RPA1: variants seen among roughly 807,000 people sequenced by gnomAD.
The protein encoded by RPA1 is replication protein A 70 kDa DNA-binding subunit.
In RPA1, 49 loss-of-function variants were observed where a neutral mutation model predicts 83.0. The ratio of observed to expected loss-of-function variants is 0.59; its 90% CI spans 0.47 to 0.75. RPA1 has a LOEUF of 0.75. Among genes scored for constraint, RPA1 ranks in the 30% least tolerant of loss-of-function variants. The probability of loss-of-function intolerance (pLI) is 0.00; values close to 1 mark genes in which losing one functional copy is unlikely to be tolerated. For synonymous variants in RPA1, 279 were observed against 281.8 expected (o/e 0.99, Z 0.10); for missense variants, 693 against 776.1 (o/e 0.89, Z 1.27).
At chr17:1,848,690 G>A (rs1335122613) in intron 4 of RPA1, among the ~76,000 whole-genome samples, 1 of 151,690 alleles carries the variant, frequency 6.6e-6, no homozygotes, top group African/African-American at 2.4e-5. Context: ...CAGCCTCCTG[G>A]GTAGCTGGGA....
intron 1 of RPA1, among the ~76,000 whole-genome samples, chr17:1,841,991 T>TA (rs1234429562): frequency 6.6e-6 from 1 of 152,146 alleles, no homozygotes; most frequent in Non-Finnish European, 1.5e-5. Context: ...ATCCATTTTA[T>TA]ATAGTGCTGG....
intron 16 of RPA1, among the ~76,000 whole-genome samples, chr17:1,896,505 G>C (rs1011026112): frequency 1.4e-5 from 2 of 144,148 alleles, no homozygotes; most frequent in African/African-American, 2.5e-5. Context: ...AGATGTCACC[G>C]TGAAACAATG....
Position 1,843,943 on chromosome 17 carries a change from G to A in RPA1, c.108G>A (p.Gly36=). The A allele has an allele frequency of 6.2e-7, 1 of 1,613,958 alleles. No homozygotes were observed. The highest frequency in any genetic ancestry group is 8.5e-7 in the Non-Finnish European group (1 of 1,179,950). ...QVINIRPITT[G]NSPPRYRLLM... Reference sequence around the variant, plus strand: ...AGAACATCCGTCCCATTACTACGGGGAATAGTCCGCCGCGTTATCGACTGC... The same window carrying A: ...AGAACATCCGTCCCATTACTACGGGAAATAGTCCGCCGCGTTATCGACTGC... The change falls in exon 3 of 17, where the codon GGG becomes GGA. Residue 36 remains glycine (G), a synonymous_variant. Coordinates refer to ENST00000254719, the MANE Select transcript of RPA1 (RefSeq NM_002945.5).
chr17:1,876,788 C>T (rs1433447854), intron 7 of RPA1, among the ~76,000 whole-genome samples: 2 of 152,170 alleles, frequency 1.3e-5, no homozygotes, highest in African/African-American at 2.4e-5. Context: ...CCACCAACAT[C>T]GTGTATTCTA....
At position 1,875,765 on chromosome 17, in the gene RPA1, A is replaced by G; in HGVS notation, c.559A>G (p.Ile187Val). The G allele has an allele frequency of 1.2e-6, 2 of 1,614,158 alleles. No individual in the cohort carries two copies. Among genetic ancestry groups the G allele is most frequent in the Non-Finnish European group, 1.7e-6 (2 of 1,180,014 alleles). ...GGGAACACAGTCCAAAGTGGTGCCCATTGCCAGCCTCACTCCTTACCAGTC... is the reference window on the plus strand; with the variant it reads ...GGGAACACAGTCCAAAGTGGTGCCCGTTGCCAGCCTCACTCCTTACCAGTC... ...SGGTQSKVVPIASLTPYQSKW... is the reference protein window; with the variant it reads ...SGGTQSKVVPVASLTPYQSKW... The change falls in exon 7 of 17, where the codon ATT becomes GTT. Residue 187 changes from isoleucine to valine, a missense_variant. Transcript: ENST00000254719.
rs187520057 is a variant in RPA1, at chr17:1,848,865, G to C, written c.272+4179G>C. ...AGGTGTGAGCCACCGCACCCAGCCT[G>C]TTCCTTTTTATGGCAGAATAATACT... On this transcript the variant is annotated intron_variant, in intron 4 of 16. Coordinates refer to ENST00000254719, the MANE Select transcript of RPA1 (RefSeq NM_002945.5). Among the ~76,000 whole-genome samples, 234 of 151,886 alleles carry C rather than the reference G, an allele frequency of 1.5e-3. 1 individual carries two copies. Among genetic ancestry groups the C allele is most frequent in the African/African-American group, 5.5e-3 (229 of 41,442 alleles).
chr17:1,849,612 C>A (rs548180338), intron 4 of RPA1, among the ~76,000 whole-genome samples: 2 of 150,104 alleles, frequency 1.3e-5, no homozygotes, highest in African/African-American at 4.9e-5. Context: ...TCATATTTGT[C>A]ATTTTGTTTT....
chr17:1,892,514 C>T (rs1241901122), intron 15 of RPA1, among the ~76,000 whole-genome samples: 1 of 152,196 alleles, frequency 6.6e-6, no homozygotes, highest in African/African-American at 2.4e-5. Flanking sequence ...CCCGTTTCTC[C>T]TGTTCCTATT....
At position 1,879,390 on chromosome 17, in the gene RPA1, C is replaced by G. The variant is rs1422331116; in HGVS notation, c.935C>G (p.Ser312Trp). The change falls in exon 10 of 17, where the codon TCG (serine) becomes TGG (tryptophan). Residue 312 changes from serine to tryptophan, a missense_variant. Ser to Trp is a radical substitution (Grantham distance 177, BLOSUM62 -3). Transcript: ENST00000254719. ...GGGATTGATGACCTCGAGAACAAGT[C>G]GAAAGACTCACTTGTAGGTAAGCTC... ...FTGIDDLENK[S>W]KDSLVDIIGI... 1 of 1,613,986 alleles carries G rather than the reference C, an allele frequency of 6.2e-7. No individual in the cohort carries two copies. The highest frequency in any genetic ancestry group is 1.3e-5 in the African/African-American group (1 of 75,010).
chr17:1,888,806 G>A lies in RPA1; in HGVS notation c.1506G>A (p.Lys502=). 3 of 1,614,140 alleles carry A rather than the reference G, an allele frequency of 1.9e-6. No homozygotes were observed. Among genetic ancestry groups the A allele is most frequent in the Non-Finnish European group, 1.7e-6 (2 of 1,179,978 alleles). Reference sequence around the variant, plus strand: ...AGAATGGATTGTACCGCTGTGAGAAGTGCGACACCGAATTTCCCAATTTCA... The same window carrying A: ...AGAATGGATTGTACCGCTGTGAGAAATGCGACACCGAATTTCCCAATTTCA... ...DQQNGLYRCE[K]CDTEFPNFKY... Residue 502 remains lysine, a synonymous_variant, in exon 14 of 17, where the codon AAG becomes AAA. Coordinates refer to ENST00000254719, the MANE Select transcript of RPA1 (RefSeq NM_002945.5).
intron 12 of RPA1, among the ~76,000 whole-genome samples, chr17:1,883,186 C>T (rs978431011): frequency 2.0e-5 from 3 of 152,070 alleles, no homozygotes; most frequent in Admixed American, 6.6e-5. Flanking sequence ...GACGGAGTTT[C>T]GGTCTTGTTG....
intron 5 of RPA1, among the ~76,000 whole-genome samples, chr17:1,870,599 T>G (rs1956209373): frequency 6.6e-6 from 1 of 152,196 alleles, no homozygotes; most frequent in African/African-American, 2.4e-5. Context: ...AAACCGAAAC[T>G]CTTGAGCCTA....
chr17:1,892,484 C>T (rs1236455108), intron 15 of RPA1, among the ~76,000 whole-genome samples: 1 of 152,224 alleles, frequency 6.6e-6, no homozygotes, highest in African/African-American at 2.4e-5. Context: ...AAAACCAAAG[C>T]ACTTTCTAAA....
chr17:1,874,653 G>T (rs1402573693), intron 6 of RPA1, among the ~76,000 whole-genome samples: 3 of 152,162 alleles, frequency 2.0e-5, no homozygotes, highest in Admixed American at 6.5e-5. Flanking sequence ...ATTATGTATG[G>T]GTATACACAT....
Position 1,891,848 on chromosome 17 carries a change from T to A in RPA1, c.1567T>A (p.Phe523Ile), listed in dbSNP as rs201697182. ...TGTTTTTTAGGTAAATATTGCAGAT[T>A]TTCAAGAGAATCAGTGGGTGACTTG... ...RMILSVNIAD[F>I]QENQWVTCFQ... Residue 523 changes from phenylalanine to isoleucine, a missense_variant, in exon 15 of 17, where the codon TTT becomes ATT. Coordinates refer to ENST00000254719, the MANE Select transcript of RPA1 (RefSeq NM_002945.5). 1.9e-4 allele frequency: 301 copies of A among 1,596,032 alleles called. No individual in the cohort carries two copies. Among genetic ancestry groups the A allele is most frequent in the Non-Finnish European group, 2.1e-4 (246 of 1,166,904 alleles).
At chr17:1,863,937 T>C (rs888286883) in intron 5 of RPA1, among the ~76,000 whole-genome samples, 1 of 152,218 alleles carries the variant, frequency 6.6e-6, no homozygotes, top group Admixed American at 6.5e-5. Context: ...TCAGAGTGTA[T>C]TGAATAATTT....
chr17:1,900,009 G>A lies in RPA1; in HGVS notation c.*2834G>A, dbSNP rs1914592065. On this transcript the variant is annotated 3_prime_UTR_variant, in exon 17 of 17. Coordinates refer to ENST00000254719, the MANE Select transcript of RPA1 (RefSeq NM_002945.5). ...TTTATAAACACCTTTGGAAGTCATC[G>A]GTTCCTCAAAAAGAGAGCATAGATG... The A allele has an allele frequency of 6.6e-6, 1 of 151,996 alleles. No individual in the cohort carries two copies. The highest frequency in any genetic ancestry group is 1.5e-5 in the Non-Finnish European group (1 of 68,014). 9.4% of individuals were successfully genotyped at this position (151,996 alleles called of 1,614,324 possible).
intron 16 of RPA1, among the ~76,000 whole-genome samples, chr17:1,895,901 C>G (rs571236698): frequency 2.6e-5 from 4 of 152,060 alleles, no homozygotes; most frequent in East Asian, 1.9e-4. Context: ...CCAGGCTGGT[C>G]TCGAACTCCT....
At chr17:1,889,682 A>C (rs1914132198) in intron 14 of RPA1, among the ~76,000 whole-genome samples, 2 of 152,056 alleles carry the variant, frequency 1.3e-5, no homozygotes, top group Non-Finnish European at 2.9e-5. Context: ...CAATGATAGA[A>C]CTAGGCGATA....
Sources: gnomAD v4.1 joint callset for allele counts (sites outside exome capture counted in the v4.1 genomes callset) on GRCh38, gnomAD v4.1.1 for gene constraint, MANE v1.5 for transcripts, NCBI Gene and HGNC (gene_info 2026-07-23, HGNC 2026-07-21) for gene names.